MESP1: variants seen among roughly 807,000 people sequenced by gnomAD.
MESP1 encodes mesoderm posterior bHLH transcription factor 1, also known as mesoderm posterior protein 1.
A neutral mutation model predicts 15.2 loss-of-function variants in MESP1; 22 were observed. The observed-to-expected ratio is 1.45, with a 90% CI of 1.04 to 2.07. The LOEUF is 2.07. Ranked by LOEUF, MESP1 falls within the 30% of genes most tolerant of loss-of-function variation. The pLI is 0.00. For missense variants in MESP1, 484 were observed against 411.9 expected, an observed-to-expected ratio of 1.17 and a Z score of -1.51; for synonymous variants, 216 against 192.6, an observed-to-expected ratio of 1.12 and a Z score of -1.01.
At chr15:89,742,611 G>A in the MESP1 span, among the ~76,000 whole-genome samples, 4 of 151,906 alleles carry the variant, frequency 2.6e-5, no homozygotes, top group Non-Finnish European at 4.4e-5. Context: ...TTGGCTCACT[G>A]CAACCTCCAT....
At chr15:89,742,517 T>A in the MESP1 span, among the ~76,000 whole-genome samples, 8 of 152,152 alleles carry the variant, frequency 5.3e-5, no homozygotes, top group Non-Finnish European at 8.8e-5. Flanking sequence ...ACTTATTATT[T>A]TTTTTTAAAC....
At chr15:89,749,662 C>T (rs1328546637), downstream of MESP1, 2 of 157,388 alleles carry the variant, frequency 1.3e-5, no homozygotes, top group African/African-American at 4.8e-5. Context: ...CTACTTGCCG[C>T]TGCCTTCTCA....
chr15:89,735,647 G>T, the MESP1 span: 6 of 1,328,224 alleles, frequency 4.5e-6, no homozygotes, highest in South Asian at 1.2e-5. Flanking sequence ...CTTATTGAAG[G>T]CCTGTTATGT....
the MESP1 span, among the ~76,000 whole-genome samples, chr15:89,737,411 T>C: frequency 6.6e-6 from 1 of 152,104 alleles, no homozygotes; most frequent in Non-Finnish European, 1.5e-5. Context: ...CACACATGTG[T>C]GTGCAGGTCT....
rs1968092826 is a variant in MESP1 at position 89,751,125 on chromosome 15, A to AG, written c.106dup (p.Leu36ProfsTer36). ...GCCCCATGAGTCTGGGGACGAGACG[A>AG]GGGAGCGGCCGCAGTCCTTGTCGGA... is the stretch of plus-strand genomic sequence containing the variant. On this transcript the variant is annotated frameshift_variant, in exon 1 of 2. Transcript: ENST00000300057. LOFTEE classifies it high-confidence loss of function. The AG allele has an allele frequency of 1.6e-6, 2 of 1,281,520 alleles. No individual in the cohort carries two copies. Among genetic ancestry groups the AG allele is most frequent in the Non-Finnish European group, 2.0e-6 (2 of 1,017,250 alleles). 79.4% of individuals were successfully genotyped at this position (1,281,520 alleles called of 1,614,324 possible).
the MESP1 span, among the ~76,000 whole-genome samples, chr15:89,742,891 T>C: frequency 6.6e-6 from 1 of 152,246 alleles, no homozygotes; most frequent in Non-Finnish European, 1.5e-5. Context: ...GTTGGAATCA[T>C]ACAGTGTGTC....
chr15:89,738,626 C>CAAAA, the MESP1 span, among the ~76,000 whole-genome samples: 3 of 81,466 alleles, frequency 3.7e-5, no homozygotes, highest in African/African-American at 9.2e-5. Flanking sequence ...GACTCTGTCC[C>CAAAA]AAAAAAAAAA....
chr15:89,733,487 G>A, the MESP1 span, among the ~76,000 whole-genome samples: 1 of 152,164 alleles, frequency 6.6e-6, no homozygotes, highest in Non-Finnish European at 1.5e-5. Flanking sequence ...TGGCAGTACT[G>A]TGAGATGGGG....
At chr15:89,745,971 CCACA>C, downstream of MESP1, among the ~76,000 whole-genome samples, 1 of 149,576 alleles carries the variant, frequency 6.7e-6, no homozygotes, top group Non-Finnish European at 1.5e-5. The surrounding 1 kb of genome is among the most constrained non-coding windows in gnomAD (Gnocchi z 4.8). Flanking sequence ...ATCCACACCT[CCACA>C]CATCCACACC....
chr15:89,734,018 C>T, the MESP1 span, among the ~76,000 whole-genome samples: 1,763 of 151,926 alleles, frequency 0.012, 27 homozygotes, highest in African/African-American at 0.038. Flanking sequence ...TGTGTGCGCG[C>T]GCGCATGTGT....
In MESP1 at chr15:89,749,885, A is replaced by G. The variant is rs953073354; in HGVS notation, c.*259T>C. On this transcript the variant is annotated 3_prime_UTR_variant, in exon 2 of 2. Transcript: ENST00000300057. ...GAAGAAATTGCCAACTGACACCAGTACAGTTTATTCACAAATAAATAAATT... is the reference window on the plus strand; with the variant it reads ...GAAGAAATTGCCAACTGACACCAGTGCAGTTTATTCACAAATAAATAAATT... 2.0e-6 allele frequency: 1 copy of G among 493,512 alleles called. No homozygotes were observed. Among genetic ancestry groups the G allele is most frequent in the Non-Finnish European group, 3.7e-6 (1 of 269,838 alleles). 30.6% of individuals were successfully genotyped at this position (493,512 alleles called of 1,614,324 possible).
At chr15:89,741,374 T>C in the MESP1 span, among the ~76,000 whole-genome samples, 1 of 152,018 alleles carries the variant, frequency 6.6e-6, no homozygotes, top group Non-Finnish European at 1.5e-5. Flanking sequence ...GCCACAGGCA[T>C]GCGCCACCAC....
chr15:89,739,887 G>A, the MESP1 span, among the ~76,000 whole-genome samples: 2 of 152,200 alleles, frequency 1.3e-5, no homozygotes, highest in East Asian at 3.9e-4. Context: ...CTTTCTCTGT[G>A]TAGACTGTTT....
At chr15:89,742,178 G>A in the MESP1 span, among the ~76,000 whole-genome samples, 6 of 152,168 alleles carry the variant, frequency 3.9e-5, no homozygotes, top group African/African-American at 1.4e-4. Context: ...CTTGACGCCA[G>A]GAGTTCAAGA....
chr15:89,735,614 G>C, the MESP1 span: 1 of 1,531,886 alleles, frequency 6.5e-7, no homozygotes, highest in East Asian at 2.3e-5. Flanking sequence ...CTGTGAATGT[G>C]TTCATCTGTC....
downstream of MESP1, among the ~76,000 whole-genome samples, chr15:89,746,588 C>T (rs1263979004): frequency 6.0e-5 from 9 of 149,150 alleles, no homozygotes; most frequent in East Asian, 2.0e-4. Context: ...CGCAAACACA[C>T]GCAGCCCCGC....
chr15:89,750,178 G>T lies in MESP1; in HGVS notation c.773C>A (p.Ser258Ter). 1.9e-6 allele frequency: 3 copies of T among 1,614,086 alleles called. No homozygotes were observed. The highest frequency in any genetic ancestry group is 2.5e-6 in the Non-Finnish European group (3 of 1,180,018). Reference sequence around the variant, plus strand: ...CTCCTCAGGCAGCCACTCCAGAGGCGAGAGGGGCATCCAGGTCTCCAACAG... The same window carrying T: ...CTCCTCAGGCAGCCACTCCAGAGGCTAGAGGGGCATCCAGGTCTCCAACAG... ...LALLETWMPL[S>*]PLEWLPEEPK Residue 258 changes from serine to a stop codon, truncating the protein, a stop_gained, in exon 2 of 2, where the codon TCG (serine) becomes TAG (stop). Coordinates refer to ENST00000300057, the MANE Select transcript of MESP1 (RefSeq NM_018670.4). LOFTEE classifies it high-confidence loss of function.
Position 89,750,779 on chromosome 15 carries a change from G to A in MESP1, c.453C>T (p.Cys151=). 6.7e-7 allele frequency: 1 copy of A among 1,502,666 alleles called. No individual in the cohort carries two copies. Among genetic ancestry groups the A allele is most frequent in the Non-Finnish European group, 8.8e-7 (1 of 1,130,880 alleles). The allele number at this position is 1,502,666 out of a possible 1,614,324, so 93.1% of individuals were successfully genotyped here. A position where few individuals can be genotyped will look rare whatever the true frequency, so the allele number is the denominator to read the frequency against. ...GLSEESLQRR[C]RQRGDAGSPR... ...GGGACCCCGCGTCACCGCGCTGCCG[G>A]CACCGGCGCTGGAGACTCTCCTCGC... Residue 151 remains cysteine, a synonymous_variant, in exon 1 of 2, where the codon TGC becomes TGT. Coordinates refer to ENST00000300057, the MANE Select transcript of MESP1 (RefSeq NM_018670.4).
intron 1 of MESP1, 22 bp downstream of exon 1, chr15:89,750,487 G>T (rs1401404280): frequency 1.3e-6 from 2 of 1,488,122 alleles, no homozygotes; most frequent in East Asian, 2.3e-5. Flanking sequence ...GACGAAGGGG[G>T]CGCGGGGAAG....
Sources: gnomAD v4.1 joint callset for allele counts (sites outside exome capture counted in the v4.1 genomes callset) on GRCh38, gnomAD v4.1.1 for gene constraint, Gnocchi (gnomAD v3.1) non-coding constraint, MANE v1.5 for transcripts, NCBI Gene and HGNC (gene_info 2026-07-23, HGNC 2026-07-21) for gene names.